The following HSF5 variants were observed in gnomAD, a reference collection of about 807,000 sequenced individuals.
HSF5 encodes the protein heat shock factor protein 5.
HSF5 carries 5 observed loss-of-function variants against 50.8 expected under a neutral mutation model. The observed-to-expected ratio is 0.10, with a 90% confidence interval of 0.05 to 0.21. HSF5 has a LOEUF of 0.21. Ranked by LOEUF, HSF5 falls within the 10% of genes least tolerant of loss-of-function variation. HSF5 has a pLI of 1.00. For missense variants in HSF5, 564 were observed against 762.6 expected, an observed-to-expected ratio of 0.74 and a Z score of 3.07; for synonymous variants, 307 against 307.4, an observed-to-expected ratio of 1.00 and a Z score of 0.02.
In HSF5 at chr17:58,422,135, G is replaced by A. The variant is rs1049872069; in HGVS notation, c.*225C>T. On this transcript the variant is annotated 3_prime_UTR_variant, in exon 6 of 6. Coordinates refer to ENST00000323777, the MANE Select transcript of HSF5 (RefSeq NM_001080439.3). ...AAAGGGATCTGGGCAGCCAAAAAAC[G>A]TGGCTGCTAGATGTTCAGTAGTTTG... 20 of 464,238 alleles carry A rather than the reference G, an allele frequency of 4.3e-5. No individual in the cohort carries two copies. Among genetic ancestry groups the A allele is most frequent in the South Asian group, 8.9e-5 (3 of 33,642 alleles). The allele number at this position is 464,238 out of a possible 1,614,324, so 28.8% of individuals were successfully genotyped here. A position where few individuals can be genotyped will look rare whatever the true frequency, so the allele number is the denominator to read the frequency against.
chr17:58,487,695 T>G, intron 1 of HSF5, 30 bp downstream of exon 1: 1 of 1,369,832 alleles, frequency 7.3e-7, no homozygotes, highest in Non-Finnish European at 9.3e-7. Context: ...GTGCCCACTG[T>G]GGGCGAGGGC....
At chr17:58,453,360 A>G (rs776540515) in intron 5 of HSF5, among the ~76,000 whole-genome samples, 5 of 152,166 alleles carry the variant, frequency 3.3e-5, no homozygotes, top group Non-Finnish European at 7.4e-5. Flanking sequence ...TTGGGGGGCT[A>G]AGGCAGGCAG....
chr17:58,486,817 C>A (rs774117864), intron 1 of HSF5, among the ~76,000 whole-genome samples: 4 of 151,970 alleles, frequency 2.6e-5, no homozygotes, highest in Non-Finnish European at 4.4e-5. Context: ...TGGAAGGTGG[C>A]AGCCCTCTTC....
In HSF5 at chr17:58,434,358, G is replaced by A. The variant is rs1169794074; in HGVS notation, c.1721-11928C>T. Among the ~76,000 whole-genome samples, 21 of 151,640 alleles carry A rather than the reference G, an allele frequency of 1.4e-4. No individual in the cohort carries two copies. The East Asian group carries it at 2.3e-3, about 17-fold the overall frequency. ...TTTGGGAGGAAATCGAGACCATCCC[G>A]GCCAACAAGGTAAAACTCCATCTCT... is the stretch of plus-strand genomic sequence containing the variant. On this transcript the variant is annotated intron_variant, in intron 5 of 5. Transcript: ENST00000323777.
chr17:58,458,960 C>G lies in HSF5; in HGVS notation c.1543-15G>C. The G allele has an allele frequency of 6.3e-7, 1 of 1,591,822 alleles. No individual in the cohort carries two copies. Among genetic ancestry groups the G allele is most frequent in the Non-Finnish European group, 8.5e-7 (1 of 1,169,800 alleles). Reference sequence around the variant, plus strand: ...TTGGCATCCACCTAAAATATTAAACCCATTCATTATTTGAGATTTCCTCCA... The same window carrying G: ...TTGGCATCCACCTAAAATATTAAACGCATTCATTATTTGAGATTTCCTCCA... On this transcript the variant is annotated splice_polypyrimidine_tract_variant and intron_variant, in intron 4 of 5. Coordinates refer to ENST00000323777, the MANE Select transcript of HSF5 (RefSeq NM_001080439.3).
At chr17:58,433,998 C>T (rs960955597) in intron 5 of HSF5, among the ~76,000 whole-genome samples, 20 of 143,764 alleles carry the variant, frequency 1.4e-4, no homozygotes, top group African/African-American at 5.2e-4. Flanking sequence ...AGTGCAACCT[C>T]CGCCTCCCGG....
Position 58,422,399 on chromosome 17 carries a change from C to G in HSF5, c.1752G>C (p.Lys584Asn). The change falls in exon 6 of 6, where the codon AAG becomes AAC. Residue 584 changes from lysine (K) to asparagine (N), a missense_variant. Lys to Asn is a moderately conservative substitution (Grantham distance 94, BLOSUM62 0). Transcript: ENST00000323777. ...CTTCCTCCTTTGGAAAGCGCTCCTG[C>G]TTGCAGGCCACGTCCACCAGCAGAT... is the stretch of plus-strand genomic sequence containing the variant. The part of the protein sequence containing the change: ...DLHLLVDVAC[K>N]QERFPKEEEL... 3 of 1,614,028 alleles carry G rather than the reference C, an allele frequency of 1.9e-6. No individual in the cohort carries two copies. The highest frequency in any genetic ancestry group is 2.5e-6 in the Non-Finnish European group (3 of 1,179,910).
chr17:58,449,079 T>A (rs1403139167), intron 5 of HSF5, among the ~76,000 whole-genome samples: 1 of 152,140 alleles, frequency 6.6e-6, no homozygotes, highest in Non-Finnish European at 1.5e-5. Flanking sequence ...TAAAATAAAT[T>A]ATAACTGTAA....
rs372737065 is a variant in HSF5, at chr17:58,462,862, G to A, written c.1462C>T (p.Leu488=). 5.8e-5 allele frequency: 93 copies of A among 1,614,018 alleles called. No homozygotes were observed. The highest frequency in any genetic ancestry group is 8.0e-5 in the African/African-American group (6 of 74,914). ...GGATTATGATTTAGGTGCTCCTTCA[G>A]TTTGACATGAGCTTGCTGGATGGCT... ...SAAIQQAHVK[L]KEHLNHNPSP... Residue 488 remains leucine (L), a synonymous_variant, in exon 4 of 6, where the codon CTG becomes TTG. Coordinates refer to ENST00000323777, the MANE Select transcript of HSF5 (RefSeq NM_001080439.3).
intron 2 of HSF5, among the ~76,000 whole-genome samples, chr17:58,470,451 T>G (rs553827693): frequency 1.4e-4 from 22 of 152,204 alleles, no homozygotes; most frequent in Non-Finnish European, 2.6e-4. Flanking sequence ...GTAAGGTTCC[T>G]AGAAAAGTCA....
intron 1 of HSF5, among the ~76,000 whole-genome samples, chr17:58,485,959 C>G (rs1303234180): frequency 2.0e-5 from 3 of 151,722 alleles, no homozygotes; most frequent in African/African-American, 7.3e-5. Context: ...ATCCTAGCTA[C>G]TCTGGAGGCT....
At chr17:58,440,336 A>T (rs1346300798) in intron 5 of HSF5, among the ~76,000 whole-genome samples, 2 of 152,166 alleles carry the variant, frequency 1.3e-5, no homozygotes, top group African/African-American at 4.8e-5. Context: ...GGATCTCAAT[A>T]AGCTGCACCC....
At chr17:58,438,104 G>T (rs769768293) in intron 5 of HSF5, among the ~76,000 whole-genome samples, 49 of 150,520 alleles carry the variant, frequency 3.3e-4, no homozygotes, top group Non-Finnish European at 6.4e-4. Flanking sequence ...CAATCAAATT[G>T]CCAAAAAAAA....
intron 5 of HSF5, among the ~76,000 whole-genome samples, chr17:58,426,675 A>G (rs1487836227): frequency 6.6e-6 from 1 of 152,236 alleles, no homozygotes; most frequent in Non-Finnish European, 1.5e-5. Flanking sequence ...TGACTGTAAA[A>G]CTAAACATCC....
In HSF5 at chr17:58,466,076, T is replaced by C. The variant is rs540175829; in HGVS notation, c.1020+809A>G. Among the ~76,000 whole-genome samples, 804 of 152,306 alleles carry C rather than the reference T, an allele frequency of 5.3e-3. 9 individuals carry two copies. The highest frequency in any genetic ancestry group is 0.018 in the African/African-American group (741 of 41,568). On this transcript the variant is annotated intron_variant, in intron 3 of 5. Coordinates refer to ENST00000323777, the MANE Select transcript of HSF5 (RefSeq NM_001080439.3). Reference sequence around the variant, plus strand: ...ATATGCATAAGGTATATATGAAACATAATTAGATTTTATGTTTAGACTCGG... The same window carrying C: ...ATATGCATAAGGTATATATGAAACACAATTAGATTTTATGTTTAGACTCGG...
Position 58,487,652 on chromosome 17 carries a change from G to A in HSF5, c.550+73C>T. 3 of 1,343,934 alleles carry A rather than the reference G, an allele frequency of 2.2e-6. No homozygotes were observed. The South Asian group carries it at 6.7e-5, about 30-fold the overall frequency. The allele number at this position is 1,343,934 out of a possible 1,614,324, so 83.3% of individuals were successfully genotyped here. ...ATAGCGTGAGGACGTGCGAAAATGC[G>A]CCCTCCAGCGGCGGTTGCTCCCCGC... On this transcript the variant is annotated intron_variant, in intron 1 of 5. Transcript: ENST00000323777.
intron 2 of HSF5, among the ~76,000 whole-genome samples, chr17:58,478,462 C>T (rs189811245): frequency 4.1e-5 from 5 of 120,526 alleles, no homozygotes; most frequent in African/African-American, 9.7e-5. Flanking sequence ...GGCAACAGAG[C>T]GAGACTCCAT....
intron 4 of HSF5, among the ~76,000 whole-genome samples, chr17:58,460,222 T>C (rs1227512838): frequency 6.6e-6 from 1 of 151,856 alleles, no homozygotes; most frequent in African/African-American, 2.4e-5. Flanking sequence ...TCTCACTATG[T>C]TGCCCAGACC....
chr17:58,452,816 A>C (rs1260585601), intron 5 of HSF5, among the ~76,000 whole-genome samples: 2 of 152,172 alleles, frequency 1.3e-5, no homozygotes, highest in African/African-American at 4.8e-5. Context: ...GCCCTCCCCA[A>C]GTTTGCATGT....
Sources: allele counts gnomAD v4.1 joint callset (sites outside exome capture counted in the v4.1 genomes callset), GRCh38; gene constraint gnomAD v4.1.1; transcripts MANE v1.5; gene names NCBI Gene and HGNC (gene_info 2026-07-23, HGNC 2026-07-21).